Variants in PDE5A observed in about 807,000 individuals in gnomAD.
The protein encoded by PDE5A is phosphodiesterase 5A, also known as cGMP-specific 3',5'-cyclic phosphodiesterase.
Under a neutral mutation model 110.2 loss-of-function variants are expected in PDE5A, and 67 were observed. The ratio of observed to expected loss-of-function variants is 0.61; its 90% confidence interval spans 0.50 to 0.75. PDE5A has a LOEUF of 0.75. Among genes scored for constraint, PDE5A ranks in the 30% least tolerant of loss-of-function variants. The probability of loss-of-function intolerance (pLI) is 0.00; values close to 1 mark genes in which losing one functional copy is unlikely to be tolerated. For missense variants in PDE5A, 862 were observed against 1,045.1 expected (o/e 0.82, Z 2.42); for synonymous variants, 328 against 351.2 (o/e 0.93, Z 0.74).
At chr4:119,599,709 G>C (rs1166585308) in intron 2 of PDE5A, among the ~76,000 whole-genome samples, 1 of 82,010 alleles carries the variant, frequency 1.2e-5, no homozygotes, top group African/African-American at 4.9e-5. Flanking sequence ...TATCAAGTGT[G>C]TATACACACA....
chr4:119,581,293 A>AG (rs1728579827), intron 3 of PDE5A, among the ~76,000 whole-genome samples: 1 of 152,228 alleles, frequency 6.6e-6, no homozygotes, highest in Non-Finnish European at 1.5e-5. Context: ...AGGGGTTGAG[A>AG]GAATGCCTTC....
intron 10 of PDE5A, among the ~76,000 whole-genome samples, chr4:119,540,717 CT>C (rs1405399847): frequency 6.6e-6 from 1 of 152,110 alleles, no homozygotes; most frequent in Non-Finnish European, 1.5e-5. Context: ...AATTTAGTTA[CT>C]TTTATTGTCA....
intron 3 of PDE5A, among the ~76,000 whole-genome samples, chr4:119,577,183 A>G (rs888001418): frequency 7.3e-6 from 1 of 136,486 alleles, no homozygotes; most frequent in Non-Finnish European, 1.6e-5. Flanking sequence ...TCTGAAATTG[A>G]GCAATAATTA....
chr4:119,504,556 G>T lies in PDE5A; in HGVS notation c.2311C>A (p.Pro771Thr), dbSNP rs538880395. The T allele has an allele frequency of 6.2e-7, 1 of 1,612,134 alleles. No homozygotes were observed. Among genetic ancestry groups the T allele is most frequent in the Non-Finnish European group, 8.5e-7 (1 of 1,178,828 alleles). The change falls in exon 18 of 21, where the codon CCC becomes ACC. Residue 771 changes from proline (P) to threonine (T), a missense_variant. Physicochemically the swap from Pro to Thr is conservative, Grantham distance 38. Transcript: ENST00000354960. ...CATACCCGTTGTTGAATAGGCCAGGGTTTTGTAATTGCAGAAAGATCACAA... is the reference window on the plus strand; with the variant it reads ...CATACCCGTTGTTGAATAGGCCAGGTTTTTGTAATTGCAGAAAGATCACAA... The part of the protein sequence containing the change: ...TACDLSAITK[P>T]WPIQQRIAEL...
chr4:119,596,172 G>C (rs944116190), intron 3 of PDE5A, among the ~76,000 whole-genome samples: 1 of 151,948 alleles, frequency 6.6e-6, no homozygotes, highest in African/African-American at 2.4e-5. Context: ...AGTTGGATGA[G>C]CATTTATGAA....
chr4:119,510,684 G>T (rs1045525607), intron 15 of PDE5A, among the ~76,000 whole-genome samples: 3 of 152,040 alleles, frequency 2.0e-5, no homozygotes, highest in Non-Finnish European at 4.4e-5. Flanking sequence ...ATAAAAAGAA[G>T]AAAGGGTATT....
chr4:119,506,135 T>C (rs1578725598), intron 16 of PDE5A, among the ~76,000 whole-genome samples: 1 of 151,838 alleles, frequency 6.6e-6, no homozygotes. Context: ...GATAAAACAT[T>C]AAACCTCACC....
chr4:119,511,925 C>T lies in PDE5A; in HGVS notation c.2001-791G>A, dbSNP rs138914450. On this transcript the variant is annotated intron_variant, in intron 14 of 20. Coordinates refer to ENST00000354960, the MANE Select transcript of PDE5A (RefSeq NM_001083.4). ...CTCATGTTTCTCATGACCCTTCACA[C>T]GTGAATATTAAGCATAGTTTTCACT... 7.5e-3 allele frequency among the ~76,000 whole-genome samples: 1,139 copies of T among 152,144 alleles called. 19 individuals carry two copies. The highest frequency in any genetic ancestry group is 0.026 in the African/African-American group (1,077 of 41,524).
At chr4:119,552,702 C>T in intron 8 of PDE5A, 65 bp from the exon 9 acceptor site, 3 of 799,032 alleles carry the variant, frequency 3.8e-6, no homozygotes, top group Non-Finnish European at 5.9e-6. Context: ...CCATTAGATG[C>T]CATATAAACT....
intron 11 of PDE5A, among the ~76,000 whole-genome samples, chr4:119,538,078 C>A (rs1726789519): frequency 6.6e-6 from 1 of 151,994 alleles, no homozygotes; most frequent in African/African-American, 2.4e-5. Flanking sequence ...GAACTTGTAT[C>A]CTCATTCTTT....
At chr4:119,606,179 G>C (rs1476621473) in intron 2 of PDE5A, among the ~76,000 whole-genome samples, 2 of 152,064 alleles carry the variant, frequency 1.3e-5, no homozygotes, top group African/African-American at 4.8e-5. Flanking sequence ...TTTTTTTGAA[G>C]ACATCTGTAA....
At chr4:119,571,509 T>TCTCC (rs1244253550) in intron 3 of PDE5A, among the ~76,000 whole-genome samples, 6 of 152,214 alleles carry the variant, frequency 3.9e-5, no homozygotes, top group Non-Finnish European at 8.8e-5. Flanking sequence ...ACAGGCAGCC[T>TCTCC]ATGGAGGCTA....
chr4:119,624,884 T>C (rs1189903680), intron 1 of PDE5A, among the ~76,000 whole-genome samples: 1 of 152,042 alleles, frequency 6.6e-6, no homozygotes, highest in African/African-American at 2.4e-5. Flanking sequence ...GACCTGGGAG[T>C]TTTCCAGATG....
At chr4:119,586,911 TC>T (rs1237386144) in intron 3 of PDE5A, among the ~76,000 whole-genome samples, 1 of 152,196 alleles carries the variant, frequency 6.6e-6, no homozygotes, top group Admixed American at 6.5e-5. Flanking sequence ...AATTTAATCT[TC>T]AGTTTCAAGT....
intron 11 of PDE5A, among the ~76,000 whole-genome samples, chr4:119,535,291 C>T (rs1425214358): frequency 6.6e-6 from 1 of 152,082 alleles, no homozygotes; most frequent in Non-Finnish European, 1.5e-5. Context: ...CCCCTCATCC[C>T]CTTTCTATCT....
At chr4:119,536,034 A>T (rs1038215057) in intron 11 of PDE5A, among the ~76,000 whole-genome samples, 1 of 152,156 alleles carries the variant, frequency 6.6e-6, no homozygotes, top group Admixed American at 6.6e-5. Flanking sequence ...AATTTCAACC[A>T]ATTTAAGTGA....
chr4:119,542,569 C>T lies in PDE5A; in HGVS notation c.1462G>A (p.Asp488Asn). 1 of 1,614,056 alleles carries T rather than the reference C, an allele frequency of 6.2e-7. No individual in the cohort carries two copies. The highest frequency in any genetic ancestry group is 8.5e-7 in the Non-Finnish European group (1 of 1,179,946). Reference protein sequence around the residue: ...TGKVKPFNRNDEQFLEAFVIF... With the variant: ...TGKVKPFNRNNEQFLEAFVIF... The stretch of plus-strand genomic sequence containing the variant: ...ACAAAAGCTTCCAGAAACTGTTCGT[C>T]ATTTCGGTTGAAAGGCTTAACCTTG... Residue 488 changes from aspartate to asparagine, a missense_variant, in exon 10 of 21, where the codon GAC (aspartate) becomes AAC (asparagine). Physicochemically the swap from Asp to Asn is conservative, Grantham distance 23 (BLOSUM62 1). Coordinates refer to ENST00000354960, the MANE Select transcript of PDE5A (RefSeq NM_001083.4).
intron 1 of PDE5A, among the ~76,000 whole-genome samples, chr4:119,623,849 G>A (rs62319658): frequency 1.3e-5 from 2 of 151,668 alleles, no homozygotes; most frequent in African/African-American, 2.4e-5. Flanking sequence ...TAAGCAAATC[G>A]ATTTATTTGA....
rs1725104736 is a variant in PDE5A, at chr4:119,497,111, C to T, written c.*1490G>A. On this transcript the variant is annotated 3_prime_UTR_variant, in exon 21 of 21. Transcript: ENST00000354960. ...TTTTGGCGAAAGGTCCTTGAGAATG[C>T]TGGATTACCATGTCCCTTAGAAATT... 6.6e-6 allele frequency: 1 copy of T among 152,088 alleles called. No individual in the cohort carries two copies. The highest frequency in any genetic ancestry group is 2.1e-4 in the South Asian group (1 of 4,836). The allele number at this position is 152,088 out of a possible 1,614,324, so 9.4% of individuals were successfully genotyped here. A position where few individuals can be genotyped will look rare whatever the true frequency, so the allele number is the denominator to read the frequency against.
Sources: gnomAD v4.1 joint callset for allele counts (sites outside exome capture counted in the v4.1 genomes callset) on GRCh38, gnomAD v4.1.1 for gene constraint, MANE v1.5 for transcripts, NCBI Gene and HGNC (gene_info 2026-07-23, HGNC 2026-07-21) for gene names.